The following PDE1A variants were observed in gnomAD, a reference collection of about 807,000 sequenced individuals.
PDE1A encodes phosphodiesterase 1A.
A neutral mutation model predicts 61.7 loss-of-function variants in PDE1A; 35 were observed. The ratio of observed to expected loss-of-function variants is 0.57; its 90% CI spans 0.43 to 0.75. PDE1A has a LOEUF of 0.75. Among genes scored for constraint, PDE1A ranks in the 30% least tolerant of loss-of-function variants. PDE1A has a pLI of 0.00. For missense variants in PDE1A, 597 were observed against 630.6 expected (o/e 0.95, Z 0.57); for synonymous variants, 232 against 213.2 (o/e 1.09, Z -0.77).
chr2:182,375,683 C>A (rs1425527178), intron 1 of PDE1A, among the ~76,000 whole-genome samples: 1 of 152,204 alleles, frequency 6.6e-6, no homozygotes, highest in East Asian at 1.9e-4. Flanking sequence ...CTATGTGGTA[C>A]CCCAGTAGGG....
intron 1 of PDE1A, among the ~76,000 whole-genome samples, chr2:182,408,830 T>C (rs1028969439): frequency 6.6e-6 from 1 of 152,134 alleles, no homozygotes. Context: ...CACAGAAACT[T>C]TTCACAAAAT....
chr2:182,186,835 T>C (rs1242580620), intron 11 of PDE1A, among the ~76,000 whole-genome samples: 3 of 152,222 alleles, frequency 2.0e-5, no homozygotes, highest in African/African-American at 7.2e-5. Context: ...AACTCAAGTA[T>C]ATTGGCTTTT....
chr2:182,397,276 G>A (rs1437785371), intron 1 of PDE1A, among the ~76,000 whole-genome samples: 2 of 151,996 alleles, frequency 1.3e-5, no homozygotes, highest in East Asian at 1.9e-4. Flanking sequence ...TTTACAAATG[G>A]GCTGGCTATT....
At chr2:182,555,084 C>A in the PDE1A span, among the ~76,000 whole-genome samples, 2 of 152,198 alleles carry the variant, frequency 1.3e-5, no homozygotes, top group East Asian at 1.9e-4. Flanking sequence ...TGTTACCTGA[C>A]ATCACTCCTG....
the PDE1A span, among the ~76,000 whole-genome samples, chr2:182,706,224 A>G: frequency 4.6e-5 from 7 of 152,282 alleles, no homozygotes; most frequent in East Asian, 1.4e-3. Flanking sequence ...CTGAAATTCT[A>G]TTCCCTCCTT....
the PDE1A span, among the ~76,000 whole-genome samples, chr2:182,635,698 C>CTCTTCTA: frequency 6.8e-6 from 1 of 147,510 alleles, no homozygotes; most frequent in Admixed American, 6.8e-5. Context: ...CTCTCTCTCT[C>CTCTTCTA]TCCACATATG....
chr2:182,176,375 T>C (rs1228982438), intron 13 of PDE1A, among the ~76,000 whole-genome samples: 1 of 149,498 alleles, frequency 6.7e-6, no homozygotes, highest in East Asian at 1.9e-4. Flanking sequence ...CAGTGGTTTG[T>C]AGTTCCCTTT....
At chr2:182,479,786 T>G (rs1469229759) in intron 2 of PDE1A, among the ~76,000 whole-genome samples, 1 of 151,924 alleles carries the variant, frequency 6.6e-6, no homozygotes, top group Non-Finnish European at 1.5e-5. Flanking sequence ...ATACATATCT[T>G]GCATTACAAT....
At chr2:182,596,603 T>G in the PDE1A span, among the ~76,000 whole-genome samples, 1 of 152,108 alleles carries the variant, frequency 6.6e-6, no homozygotes, top group Non-Finnish European at 1.5e-5. Context: ...GAAAAACAAA[T>G]AAGGCTATCA....
chr2:182,539,647 G>A, the PDE1A span, among the ~76,000 whole-genome samples: 3 of 152,070 alleles, frequency 2.0e-5, no homozygotes, highest in Admixed American at 2.0e-4. Context: ...TCTTCATTTT[G>A]CCAGGAAAAA....
chr2:182,370,875 A>G (rs766255546), intron 1 of PDE1A, among the ~76,000 whole-genome samples: 1 of 152,182 alleles, frequency 6.6e-6, no homozygotes, highest in Non-Finnish European at 1.5e-5. Context: ...TGAAGTTACA[A>G]TCTTTCTAGA....
chr2:182,664,241 G>C, the PDE1A span, among the ~76,000 whole-genome samples: 1 of 151,988 alleles, frequency 6.6e-6, no homozygotes, highest in Non-Finnish European at 1.5e-5. Context: ...TAAAGTCAAA[G>C]ATGCACAGAT....
Position 182,334,805 on chromosome 2 carries a change from G to A in PDE1A, c.54-70391C>T, listed in dbSNP as rs183340295. Among the ~76,000 whole-genome samples, 402 of 152,274 alleles carry A rather than the reference G, an allele frequency of 2.6e-3. 3 individuals are homozygous for A. Among genetic ancestry groups the A allele is most frequent in the African/African-American group, 8.7e-3 (361 of 41,548 alleles). On this transcript the variant is annotated intron_variant, in intron 1 of 13. Transcript: ENST00000351439. The stretch of plus-strand genomic sequence containing the variant: ...ATCAGGCAAGAGAAAGAAATAAAGC[G>A]TATTCAAATAGGAAGAGAGGAAGTC...
At chr2:182,552,036 T>C in the PDE1A span, among the ~76,000 whole-genome samples, 1 of 152,284 alleles carries the variant, frequency 6.6e-6, no homozygotes, top group East Asian at 1.9e-4. Context: ...TGACTTCCAA[T>C]GATCACTACC....
intron 2 of PDE1A, among the ~76,000 whole-genome samples, chr2:182,246,401 C>CTTTTTTTTTTTTTTTTT (rs761118177): frequency 1.6e-5 from 1 of 61,514 alleles, no homozygotes; most frequent in African/African-American, 9.9e-5. Flanking sequence ...TTTCTTTTTT[C>CTTTTTTTTTTTTTTTTT]TTTCTTTTTT....
chr2:182,471,157 T>G (rs577802036), intron 2 of PDE1A, among the ~76,000 whole-genome samples: 4 of 151,878 alleles, frequency 2.6e-5, no homozygotes, highest in African/African-American at 9.6e-5. Flanking sequence ...TCTAAAGCCA[T>G]CAGCTATAAT....
the PDE1A span, among the ~76,000 whole-genome samples, chr2:182,542,188 G>A: frequency 7.2e-5 from 11 of 152,030 alleles, no homozygotes; most frequent in South Asian, 2.1e-4. Context: ...ATACCTATGC[G>A]ATTTCAGAGA....
chr2:182,496,571 C>T (rs1371778193), intron 2 of PDE1A, among the ~76,000 whole-genome samples: 1 of 152,190 alleles, frequency 6.6e-6, no homozygotes, highest in Admixed American at 6.5e-5. Flanking sequence ...AGCTAGGCTT[C>T]TAACGTGAAT....
At chr2:182,428,995 A>G (rs1196051453), upstream of PDE1A, among the ~76,000 whole-genome samples, 1 of 152,120 alleles carries the variant, frequency 6.6e-6, no homozygotes, top group African/African-American at 2.4e-5. Context: ...CTTGATTACC[A>G]GCTGAAGAAT....
Sources: allele counts gnomAD v4.1 joint callset (sites outside exome capture counted in the v4.1 genomes callset), GRCh38; gene constraint gnomAD v4.1.1; transcripts MANE v1.5; gene names NCBI Gene and HGNC (gene_info 2026-07-23, HGNC 2026-07-21).